IFT80: variants seen among roughly 807,000 people sequenced by gnomAD.
IFT80 encodes intraflagellar transport 80.
In IFT80, 79 loss-of-function variants were observed where a neutral mutation model predicts 107.9. The observed-to-expected ratio is 0.73, with a 90% CI of 0.61 to 0.88. IFT80 has a LOEUF of 0.88. Among genes scored for constraint, IFT80 ranks in the 40% least tolerant of loss-of-function variants. IFT80 has a pLI of 0.00. For synonymous variants in IFT80, 299 were observed against 300.9 expected (o/e 0.99, Z 0.07); for missense variants, 797 against 914.2 (o/e 0.87, Z 1.65).
chr3:160,384,015 C>A (rs1389871453), intron 2 of IFT80: 2 of 809,414 alleles, frequency 2.5e-6, no homozygotes, highest in African/African-American at 1.9e-5. Context: ...GAGGCTGGGG[C>A]GGGTGGATCA....
At chr3:160,303,163 A>T (rs1486971105) in intron 11 of IFT80, among the ~76,000 whole-genome samples, 1 of 152,174 alleles carries the variant, frequency 6.6e-6, no homozygotes, top group East Asian at 1.9e-4. Flanking sequence ...TTTGGTGCAA[A>T]TATTTTATGG....
chr3:160,383,513 C>T (rs1019442534), intron 2 of IFT80: 31 of 824,622 alleles, frequency 3.8e-5, no homozygotes, highest in Non-Finnish European at 4.0e-5. Flanking sequence ...TTCTTTATTT[C>T]GAATCCATTG....
chr3:160,347,048 A>C (rs967467057), intron 8 of IFT80, among the ~76,000 whole-genome samples: 2 of 152,170 alleles, frequency 1.3e-5, no homozygotes, highest in African/African-American at 4.8e-5. Flanking sequence ...CCAGTCATTC[A>C]GGGAACTATG....
At chr3:160,398,412 G>A (rs974279688) in intron 1 of IFT80, among the ~76,000 whole-genome samples, 1 of 152,170 alleles carries the variant, frequency 6.6e-6, no homozygotes, top group African/African-American at 2.4e-5. Context: ...AAAAAAAAAG[G>A]AGGCTAGTAG....
intron 14 of IFT80, among the ~76,000 whole-genome samples, chr3:160,282,211 G>A (rs1373131269): frequency 1.3e-5 from 2 of 152,144 alleles, no homozygotes; most frequent in African/African-American, 4.8e-5. Context: ...AGCCCAGGAA[G>A]CGGAGGTTTT....
In IFT80 at chr3:160,257,461, G is replaced by A. The variant is rs1444282890; in HGVS notation, c.*1064C>T. The A allele has an allele frequency of 2.0e-5, 3 of 152,074 alleles. No individual in the cohort carries two copies. Among genetic ancestry groups the A allele is most frequent in the African/African-American group, 7.2e-5 (3 of 41,410 alleles). 9.4% of individuals were successfully genotyped at this position (152,074 alleles called of 1,614,324 possible). ...ATAACTTTGGGATACACTAAATAGA[G>A]TAATCAAACAAGTTTGTCACCCAAG... On this transcript the variant is annotated 3_prime_UTR_variant, in exon 20 of 20. Transcript: ENST00000326448.
intron 5 of IFT80, chr3:160,373,517 T>C (rs1004044279): frequency 6.5e-6 from 1 of 152,726 alleles, no homozygotes; most frequent in African/African-American, 2.4e-5. Flanking sequence ...ATGGACCAGG[T>C]AGGGGTGGTT....
At chr3:160,347,686 T>C (rs1720390255) in intron 8 of IFT80, among the ~76,000 whole-genome samples, 1 of 152,192 alleles carries the variant, frequency 6.6e-6, no homozygotes, top group Non-Finnish European at 1.5e-5. Flanking sequence ...CCCAGTCTTT[T>C]TACTAAATAA....
intron 18 of IFT80, among the ~76,000 whole-genome samples, chr3:160,276,711 T>C (rs1481454365): frequency 1.4e-4 from 22 of 152,216 alleles, no homozygotes; most frequent in Non-Finnish European, 5.9e-5. Context: ...TCCTTTCCTC[T>C]TTCTTCCTTA....
intron 1 of IFT80, chr3:160,391,753 G>C (rs12053879): frequency 6.6e-6 from 1 of 152,278 alleles, no homozygotes; most frequent in East Asian, 1.9e-4. Flanking sequence ...TGCCATCAAG[G>C]CCATGTATAA....
intron 5 of IFT80, among the ~76,000 whole-genome samples, chr3:160,368,805 A>G (rs1722041001): frequency 6.6e-6 from 1 of 151,778 alleles, no homozygotes; most frequent in Non-Finnish European, 1.5e-5. Flanking sequence ...TAATGTTTTA[A>G]TTTATAGCCT....
chr3:160,320,161 T>A, intron 8 of IFT80: 1 of 469,420 alleles, frequency 2.1e-6, no homozygotes, highest in Non-Finnish European at 3.8e-6. Flanking sequence ...ATGAAATATC[T>A]CAAGAACTGT....
At chr3:160,282,005 C>G (rs1011041882) in intron 14 of IFT80, among the ~76,000 whole-genome samples, 7 of 152,224 alleles carry the variant, frequency 4.6e-5, no homozygotes, top group African/African-American at 1.7e-4. Context: ...AGGCCAGGCC[C>G]AGTGGCTTAC....
chr3:160,359,250 T>A (rs1721319214), intron 6 of IFT80, among the ~76,000 whole-genome samples: 1 of 152,020 alleles, frequency 6.6e-6, no homozygotes, highest in African/African-American at 2.4e-5. Flanking sequence ...TACTACCTCC[T>A]GGCCCAGAGG....
intron 10 of IFT80, among the ~76,000 whole-genome samples, 191 bp from the exon 11 acceptor site, chr3:160,304,180 G>C (rs1215220030): frequency 1.3e-5 from 2 of 152,154 alleles, no homozygotes; most frequent in African/African-American, 4.8e-5. Context: ...CTAAAAAGCA[G>C]AGACTCTGTA....
At chr3:160,292,425 TTCA>T (rs1333941511) in intron 12 of IFT80, among the ~76,000 whole-genome samples, 2 of 151,840 alleles carry the variant, frequency 1.3e-5, no homozygotes, top group South Asian at 4.2e-4. Flanking sequence ...TGAGTATGGA[TTCA>T]TCAAGAGAGA....
At chr3:160,271,533 TG>T (rs1713807364) in intron 18 of IFT80, among the ~76,000 whole-genome samples, 1 of 152,146 alleles carries the variant, frequency 6.6e-6, no homozygotes, top group African/African-American at 2.4e-5. Flanking sequence ...TACTACCAAA[TG>T]TCCAAAGTGG....
At chr3:160,376,908 C>T (rs545712801) in intron 4 of IFT80, among the ~76,000 whole-genome samples, 4 of 152,254 alleles carry the variant, frequency 2.6e-5, no homozygotes, top group Admixed American at 6.5e-5. Context: ...TGACTGCCGC[C>T]GCATCCAACA....
chr3:160,304,444 T>C (rs1348353458), intron 10 of IFT80, among the ~76,000 whole-genome samples: 2 of 150,280 alleles, frequency 1.3e-5, no homozygotes, highest in East Asian at 1.9e-4. Context: ...TCTTTTTTTT[T>C]TTTTTTTTTG....
Sources: allele counts gnomAD v4.1 joint callset (sites outside exome capture counted in the v4.1 genomes callset), GRCh38; gene constraint gnomAD v4.1.1; transcripts MANE v1.5; gene names NCBI Gene and HGNC (gene_info 2026-07-23, HGNC 2026-07-21).